The following THBS3 variants were observed in gnomAD, a reference collection of about 807,000 sequenced individuals.
The protein encoded by THBS3 is thrombospondin-3.
Under a neutral mutation model 118.3 loss-of-function variants are expected in THBS3, and 78 were observed. The observed-to-expected ratio is 0.66, with a 90% CI of 0.55 to 0.80. The LOEUF (loss-of-function observed/expected upper bound fraction) is 0.80, where lower values mean the gene tolerates loss of function less well. THBS3 is among the 30% of genes least tolerant of loss of function. The probability of loss-of-function intolerance (pLI) is 0.00; values close to 1 mark genes in which losing one functional copy is unlikely to be tolerated. For missense variants in THBS3, 1,057 were observed against 1,247.4 expected (o/e 0.85, Z 2.30); for synonymous variants, 427 against 475.3 (o/e 0.90, Z 1.32).
rs751836809 is a variant in THBS3 at position 155,199,845 on chromosome 1, G to A, written c.1839C>T (p.Asp613=). ...EMSNPTQTDA[D]SDLVGDVCDT... is the part of the protein sequence containing the mutation. Reference sequence around the variant, plus strand: ...CACAGACATCCCCCACCAGGTCGCTGTCTGCATCTGTCTGAGAGAGAGGGA... The same window carrying A: ...CACAGACATCCCCCACCAGGTCGCTATCTGCATCTGTCTGAGAGAGAGGGA... Residue 613 remains aspartate (D), a synonymous_variant, in exon 16 of 23, where the codon GAC becomes GAT. Transcript: ENST00000368378. 17 of 1,614,212 alleles carry A rather than the reference G, an allele frequency of 1.1e-5. No individual in the cohort carries two copies. The highest frequency in any genetic ancestry group is 1.4e-5 in the Non-Finnish European group (16 of 1,180,034).
upstream of THBS3, chr1:155,209,092 C>T (rs1452481731): frequency 7.1e-6 from 11 of 1,542,500 alleles, no homozygotes; most frequent in African/African-American, 6.9e-5. Context: ...CAGTCCCCCG[C>T]AGTTCAGCTG....
Position 155,205,147 on chromosome 1 carries a change from T to C in THBS3, c.456A>G (p.Ala152=). The change falls in exon 3 of 23, where the codon GCA becomes GCG. Residue 152 remains alanine (A), a synonymous_variant. Transcript: ENST00000368378. ...YVDCKLGDQH[A]GLPALAPIPP... ...GAATGGGGGCCAGTGCTGGAAGGCC[T>C]GCATGTTGGTCACCCAGTTTGCAGT... 6.2e-7 allele frequency: 1 copy of C among 1,614,196 alleles called. No individual in the cohort carries two copies. Among genetic ancestry groups the C allele is most frequent in the Non-Finnish European group, 8.5e-7 (1 of 1,180,036 alleles).
intron 4 of THBS3, among the ~76,000 whole-genome samples, chr1:155,204,078 G>T (rs1571914591): frequency 6.6e-6 from 1 of 151,996 alleles, no homozygotes; most frequent in Admixed American, 6.5e-5. Context: ...GACCTTGAGG[G>T]ATCAGCCCAC....
chr1:155,206,045 C>G lies in THBS3; in HGVS notation c.286+155G>C, dbSNP rs746252544. The G allele has an allele frequency of 2.5e-6, 2 of 799,174 alleles. No homozygotes were observed. The highest frequency in any genetic ancestry group is 4.0e-6 in the Non-Finnish European group (2 of 505,182). 49.5% of individuals were successfully genotyped at this position (799,174 alleles called of 1,614,324 possible). On this transcript the variant is annotated intron_variant, in intron 2 of 22. Transcript: ENST00000368378. This position sits in a 1 kb window ranked among gnomAD's most constrained non-coding sequence, Gnocchi z 4.2. ...GGGCTCCTAAAGCACCTTATAAGCACCCCATACCAGGTGCCCCTGATGTCT... is the reference window on the plus strand; with the variant it reads ...GGGCTCCTAAAGCACCTTATAAGCAGCCCATACCAGGTGCCCCTGATGTCT...
At position 155,198,523 on chromosome 1, in the gene THBS3, C is replaced by T. The variant is rs913317722; in HGVS notation, c.1960G>A (p.Gly654Arg). The T allele has an allele frequency of 2.5e-6, 4 of 1,614,114 alleles. No individual in the cohort carries two copies. In the African/African-American group the frequency reaches 5.3e-5, roughly 22 times the overall value. Residue 654 changes from glycine to arginine, a missense_variant, in exon 17 of 23, where the codon GGA becomes AGA. Transcript: ENST00000368378. Reference protein sequence around the residue: ...NSSQLDSDNDGLGDECDGDDD... With the variant: ...NSSQLDSDNDRLGDECDGDDD... ...TCCCCATCACACTCATCTCCAAGTCCATCGTTATCAGAGTCCAGCTGGGAG... is the reference window on the plus strand; with the variant it reads ...TCCCCATCACACTCATCTCCAAGTCTATCGTTATCAGAGTCCAGCTGGGAG...
intron 17 of THBS3, 22 bp from the exon 18 acceptor site, chr1:155,198,242 G>T: frequency 6.2e-7 from 1 of 1,612,712 alleles, no homozygotes; most frequent in Non-Finnish European, 8.5e-7. Flanking sequence ...GAGGCTGGGT[G>T]CTCAGGAAGG....
Position 155,204,809 on chromosome 1 carries a change from C to T in THBS3, c.646+46G>A, listed in dbSNP as rs1670305266. 3 of 1,566,590 alleles carry T rather than the reference C, an allele frequency of 1.9e-6. No individual in the cohort carries two copies. In the African/African-American group the frequency reaches 4.1e-5, roughly 21 times the overall value. ...TCAAGAAGACAGGAGTCACCAAAGGCCACAGGATCCGTGGTCCAATGTCAG... is the reference window on the plus strand; with the variant it reads ...TCAAGAAGACAGGAGTCACCAAAGGTCACAGGATCCGTGGTCCAATGTCAG... On this transcript the variant is annotated intron_variant, in intron 4 of 22. Coordinates refer to ENST00000368378, the MANE Select transcript of THBS3 (RefSeq NM_007112.5).
In THBS3 at chr1:155,205,238, G is replaced by A. The variant is rs766096846; in HGVS notation, c.365C>T (p.Thr122Ile). Residue 122 changes from threonine to isoleucine, a missense_variant, in exon 3 of 23, where the codon ACA (threonine) becomes ATA (isoleucine). Coordinates refer to ENST00000368378, the MANE Select transcript of THBS3 (RefSeq NM_007112.5). Reference protein sequence around the residue: ...LQQAGLADGRTHTVLLRLRGP... With the variant: ...LQQAGLADGRIHTVLLRLRGP... ...TCGGAGTCGCAGGAGAACTGTGTGT[G>A]TGCGCCCATCAGCCAGGCCCGCTTG... The A allele has an allele frequency of 3.1e-6, 5 of 1,614,146 alleles. No individual in the cohort carries two copies. The highest frequency in any genetic ancestry group is 1.1e-5 in the South Asian group (1 of 91,090).
intron 16 of THBS3, among the ~76,000 whole-genome samples, chr1:155,199,431 T>C (rs1049217817): frequency 1.9e-4 from 24 of 123,894 alleles, no homozygotes; most frequent in Non-Finnish European, 3.7e-4. Flanking sequence ...AAAAAGGATA[T>C]ACTAGAGGAA....
intron 10 of THBS3, 59 bp downstream of exon 10, chr1:155,201,898 G>A (rs754661618): frequency 1.6e-5 from 26 of 1,607,026 alleles, no homozygotes; most frequent in Admixed American, 1.2e-4. Context: ...AAGAAGGGGC[G>A]GGGGTTGGGG....
intron 21 of THBS3, among the ~76,000 whole-genome samples, chr1:155,196,642 C>T (rs994014659): frequency 3.3e-5 from 5 of 152,154 alleles, no homozygotes; most frequent in Non-Finnish European, 5.9e-5. Flanking sequence ...AGTGTTGAAC[C>T]GAGGCCTGTG....
upstream of THBS3, chr1:155,209,065 C>A: frequency 6.5e-7 from 1 of 1,538,536 alleles, no homozygotes. Flanking sequence ...GGCCGCCCTC[C>A]CCCGAGGCCC....
At position 155,197,029 on chromosome 1, in the gene THBS3, C is replaced by T; in HGVS notation, c.2672+12G>A. 1 of 1,611,736 alleles carries T rather than the reference C, an allele frequency of 6.2e-7. No homozygotes were observed. The highest frequency in any genetic ancestry group is 8.5e-7 in the Non-Finnish European group (1 of 1,178,336). On this transcript the variant is annotated intron_variant, in intron 21 of 22. Transcript: ENST00000368378. This position sits in a 1 kb window ranked among gnomAD's most constrained non-coding sequence, Gnocchi z 5.0. ...CCTGAGTCCCACAGGTGGGCTCAGC[C>T]CCTCTCCTTACCGAATGTAGCCAAC...
intron 16 of THBS3, chr1:155,198,839 C>T: frequency 2.0e-6 from 1 of 496,082 alleles, no homozygotes; most frequent in Non-Finnish European, 3.6e-6. Context: ...TATACTATGG[C>T]CTGGGCACAG....
rs916318448 is a variant in THBS3, at chr1:155,206,556, T to C, written c.80-150A>G. On this transcript the variant is annotated intron_variant, in intron 1 of 22. Transcript: ENST00000368378. The surrounding 1 kb of genome is among the most constrained non-coding windows in gnomAD (Gnocchi z 4.2). ...TTGGCTGGGCATGGTGGCTCGCACC[T>C]GTAATCCCAACACCTTGGGAGGTTG... 1 of 691,274 alleles carries C rather than the reference T, an allele frequency of 1.4e-6. No homozygotes were observed. Among genetic ancestry groups the C allele is most frequent in the Non-Finnish European group, 2.5e-6 (1 of 403,676 alleles). The allele number at this position is 691,274 out of a possible 1,614,324, so 42.8% of individuals were successfully genotyped here. A position where few individuals can be genotyped will look rare whatever the true frequency, so the allele number is the denominator to read the frequency against.
Position 155,202,227 on chromosome 1 carries a change from A to G in THBS3, c.1098+34T>C. ...GAAGCCCCTGGCCTCTACAAGGCCA[A>G]GATCCCTTGTCCACACACACTACCC... On this transcript the variant is annotated intron_variant, in intron 9 of 22. Transcript: ENST00000368378. This position sits in a 1 kb window ranked among gnomAD's most constrained non-coding sequence, Gnocchi z 5.5. The G allele has an allele frequency of 6.2e-7, 1 of 1,606,872 alleles. No homozygotes were observed. The highest frequency in any genetic ancestry group is 8.5e-7 in the Non-Finnish European group (1 of 1,175,286).
chr1:155,205,156 G>T lies in THBS3; in HGVS notation c.447C>A (p.Asp149Glu), dbSNP rs1255271747. The T allele has an allele frequency of 8.7e-6, 14 of 1,614,092 alleles. No individual in the cohort carries two copies. The South Asian group carries it at 1.5e-4, about 18-fold the overall frequency. The change falls in exon 3 of 23, where the codon GAC becomes GAA. Residue 149 changes from aspartate (D) to glutamate (E), a missense_variant. Asp to Glu is a conservative substitution (Grantham distance 45, BLOSUM62 2). Transcript: ENST00000368378. ...CCAGTGCTGGAAGGCCTGCATGTTG[G>T]TCACCCAGTTTGCAGTCCACGTAGA... ...LHLYVDCKLG[D>E]QHAGLPALAP...
At position 155,202,729 on chromosome 1, in the gene THBS3, C is replaced by T; in HGVS notation, c.957+83G>A. The stretch of plus-strand genomic sequence containing the variant: ...AACTCCAGATTCCTCTCCTCCGGAC[C>T]AGCATTTATCCCACCCTCTTGGGTG... On this transcript the variant is annotated intron_variant, in intron 8 of 22. Coordinates refer to ENST00000368378, the MANE Select transcript of THBS3 (RefSeq NM_007112.5). The surrounding 1 kb of genome is among the most constrained non-coding windows in gnomAD (Gnocchi z 5.5). The T allele has an allele frequency of 6.6e-7, 1 of 1,521,544 alleles. No individual in the cohort carries two copies. Among genetic ancestry groups the T allele is most frequent in the South Asian group, 1.3e-5 (1 of 77,158 alleles). 94.3% of individuals were successfully genotyped at this position (1,521,544 alleles called of 1,614,324 possible). A position where few individuals can be genotyped will look rare whatever the true frequency, so the allele number is the denominator to read the frequency against.
chr1:155,208,726 CG>C, upstream of THBS3: 1 of 1,389,032 alleles, frequency 7.2e-7, no homozygotes, highest in Non-Finnish European at 9.4e-7. Flanking sequence ...CCGCTCCGGC[CG>C]CCGCCACCGC....
Sources: allele counts gnomAD v4.1 joint callset (sites outside exome capture counted in the v4.1 genomes callset), GRCh38; gene constraint gnomAD v4.1.1; non-coding constraint Gnocchi (gnomAD v3.1); transcripts MANE v1.5; gene names NCBI Gene and HGNC (gene_info 2026-07-23, HGNC 2026-07-21).